PDS5A: variants seen among roughly 807,000 people sequenced by gnomAD.
The protein encoded by PDS5A is sister chromatid cohesion protein PDS5 homolog A.
A neutral mutation model predicts 167.1 loss-of-function variants in PDS5A; 42 were observed. That is an observed-to-expected ratio of 0.25 (90% confidence interval 0.20 to 0.33). The LOEUF (loss-of-function observed/expected upper bound fraction) is 0.33, where lower values mean the gene tolerates loss of function less well. Among genes scored for constraint, PDS5A ranks in the 10% least tolerant of loss-of-function variants. The pLI is 1.00. For synonymous variants in PDS5A, 553 were observed against 554.6 expected (o/e 1.00, Z 0.04); for missense variants, 1,033 against 1,605.9 (o/e 0.64, Z 6.10).
chr4:39,949,235 G>A (rs1359399623), intron 2 of PDS5A, among the ~76,000 whole-genome samples: 2 of 149,032 alleles, frequency 1.3e-5, no homozygotes, highest in Non-Finnish European at 3.0e-5. Context: ...GCGGGAGGTC[G>A]AGGCTTCAGT....
chr4:39,877,167 T>A lies in PDS5A; in HGVS notation c.1993-14A>T, dbSNP rs754728676. 3.3e-6 allele frequency: 5 copies of A among 1,517,096 alleles called. No homozygotes were observed. The South Asian group carries it at 6.4e-5, about 20-fold the overall frequency. 94.0% of individuals were successfully genotyped at this position (1,517,096 alleles called of 1,614,324 possible). Reference sequence around the variant, plus strand: ...AAAAGACAGAACCTGAAAAAACAGATACAGCTTTAGAAGTACAGACAATGG... The same window carrying A: ...AAAAGACAGAACCTGAAAAAACAGAAACAGCTTTAGAAGTACAGACAATGG... On this transcript the variant is annotated splice_polypyrimidine_tract_variant and intron_variant, in intron 18 of 32. Transcript: ENST00000303538.
chr4:39,830,973 C>A (rs559216429), intron 32 of PDS5A, among the ~76,000 whole-genome samples: 1 of 152,358 alleles, frequency 6.6e-6, no homozygotes, highest in South Asian at 2.1e-4. Context: ...CAATGGCTCA[C>A]GCCTATAATC....
chr4:39,952,506 TC>T (rs1230477428), intron 2 of PDS5A, among the ~76,000 whole-genome samples: 1 of 152,134 alleles, frequency 6.6e-6, no homozygotes, highest in Non-Finnish European at 1.5e-5. Context: ...CTTTTTTTTT[TC>T]TAATGATGGG....
rs768600347 is a variant in PDS5A at position 39,879,708 on chromosome 4, CAA to C, written c.1992+18_1992+19del. 2.0e-6 allele frequency: 3 copies of C among 1,485,688 alleles called. No individual in the cohort carries two copies. In the Admixed American group the frequency reaches 5.0e-5, roughly 25 times the overall value. The allele number at this position is 1,485,688 out of a possible 1,614,324, so 92.0% of individuals were successfully genotyped here. A position where few individuals can be genotyped will look rare whatever the true frequency, so the allele number is the denominator to read the frequency against. The stretch of plus-strand genomic sequence containing the variant: ...ATGACCCCACGGAAATACATGGCAA[CAA>C]AACTGTTTCAAAAATACCTTAAGAA... On this transcript the variant is annotated intron_variant, in intron 18 of 32. Transcript: ENST00000303538.
intron 29 of PDS5A, among the ~76,000 whole-genome samples, chr4:39,845,173 A>C (rs55736432): frequency 0.037 from 5,669 of 152,130 alleles, 328 homozygotes; most frequent in African/African-American, 0.13. Context: ...GCAACATTGT[A>C]CTCCAGCCTG....
intron 16 of PDS5A, among the ~76,000 whole-genome samples, chr4:39,896,954 A>G (rs191843307): frequency 4.0e-5 from 6 of 151,358 alleles, no homozygotes; most frequent in African/African-American, 1.5e-4. Context: ...CACAATGTGC[A>G]GGTTTGTTAC....
At chr4:39,903,926 TTTTA>T in intron 12 of PDS5A, 110 bp downstream of exon 12, 2 of 540,870 alleles carry the variant, frequency 3.7e-6, no homozygotes, top group East Asian at 3.3e-5. Flanking sequence ...ATAAACTTAA[TTTTA>T]TTTATGAAGT....
At chr4:39,936,744 T>G (rs1035119447) in intron 2 of PDS5A, 1 of 152,176 alleles carries the variant, frequency 6.6e-6, no homozygotes, top group Non-Finnish European at 1.5e-5. Flanking sequence ...CTGAAAGCAC[T>G]ATGTTTACTG....
chr4:39,935,271 T>G (rs1201368784), intron 2 of PDS5A, among the ~76,000 whole-genome samples: 3 of 152,192 alleles, frequency 2.0e-5, no homozygotes, highest in Admixed American at 6.5e-5. Context: ...CACACCCAGC[T>G]ACTTCCAGTA....
intron 19 of PDS5A, 150 bp downstream of exon 19, chr4:39,876,843 G>C (rs898007052): frequency 3.8e-6 from 2 of 520,560 alleles, no homozygotes; most frequent in Non-Finnish European, 6.7e-6. Context: ...GCAAGGGAAA[G>C]ACAAAGCAGA....
chr4:39,928,192 A>T, intron 2 of PDS5A, 28 bp from the exon 3 acceptor site: 1 of 1,433,754 alleles, frequency 7.0e-7, no homozygotes, highest in Non-Finnish European at 9.7e-7. Context: ...AACACAAAAT[A>T]ATTAACTCCT....
rs550857405 is a variant in PDS5A, at chr4:39,949,903, C to T, written c.139-21739G>A. 6.9e-4 allele frequency among the ~76,000 whole-genome samples: 104 copies of T among 150,554 alleles called. 1 individual carries two copies. In the South Asian group the frequency reaches 0.021, roughly 30 times the overall value. On this transcript the variant is annotated intron_variant, in intron 2 of 32. Transcript: ENST00000303538. ...CATTTGTGATGATACTAAAAACAAC[C>T]ATACATTTTATTTTATTTTTGAGAC...
chr4:39,897,167 G>C (rs1030706307), intron 16 of PDS5A, among the ~76,000 whole-genome samples: 1 of 152,048 alleles, frequency 6.6e-6, no homozygotes, highest in Non-Finnish European at 1.5e-5. Context: ...GCCGAGGTGG[G>C]TGGATCACCT....
At chr4:39,873,260 T>G (rs986552892) in intron 20 of PDS5A, 116 bp from the exon 21 acceptor site, 8 of 481,492 alleles carry the variant, frequency 1.7e-5, no homozygotes, top group Non-Finnish European at 2.8e-5. Context: ...ACCAATCTTC[T>G]CTAATACGAT....
At chr4:39,830,335 GA>G (rs1267139707) in intron 32 of PDS5A, among the ~76,000 whole-genome samples, 3 of 152,168 alleles carry the variant, frequency 2.0e-5, no homozygotes, top group Non-Finnish European at 4.4e-5. Context: ...GACCACAGGT[GA>G]ATACCACCAT....
At chr4:39,874,040 T>A (rs1354670545) in intron 20 of PDS5A, among the ~76,000 whole-genome samples, 1 of 152,124 alleles carries the variant, frequency 6.6e-6, no homozygotes, top group East Asian at 1.9e-4. Context: ...TGAAACTTTA[T>A]CTCAAAAACA....
chr4:39,930,262 G>GT (rs1194110821), intron 2 of PDS5A, among the ~76,000 whole-genome samples: 1,503 of 74,950 alleles, frequency 0.02, 63 homozygotes, highest in African/African-American at 0.058. Flanking sequence ...TTTGTTTTTT[G>GT]TTTTTTTTTT....
At chr4:39,932,090 A>C (rs1726126773) in intron 2 of PDS5A, among the ~76,000 whole-genome samples, 1 of 151,992 alleles carries the variant, frequency 6.6e-6, no homozygotes, top group African/African-American at 2.4e-5. Flanking sequence ...ACAGGATTTC[A>C]CCACGTTGGC....
rs571612007 is a variant in PDS5A at position 39,904,070 on chromosome 4, T to C, written c.1355A>G (p.His452Arg). 1.9e-6 allele frequency: 3 copies of C among 1,611,194 alleles called. No individual in the cohort carries two copies. Among genetic ancestry groups the C allele is most frequent in the East Asian group, 2.2e-5 (1 of 44,788 alleles). The change falls in exon 12 of 33, where the codon CAT becomes CGT. Residue 452 changes from histidine (H) to arginine (R), a missense_variant. His to Arg is a conservative substitution (Grantham distance 29, BLOSUM62 0). Around this residue, in one of 4 missense-constraint regions of PDS5A, gnomAD observed 388 missense variants for 615.1 expected, o/e 0.63. Transcript: ENST00000303538. ...KVSWIKDKLLHIYYQNSIDDK... is the reference protein window; with the variant it reads ...KVSWIKDKLLRIYYQNSIDDK... ...GTCAATGCTGTTCTGATAATAAATATGCAGAAGTTTGTCCTTTATCCAGCT... is the reference window on the plus strand; with the variant it reads ...GTCAATGCTGTTCTGATAATAAATACGCAGAAGTTTGTCCTTTATCCAGCT...
Sources: gnomAD v4.1 joint callset for allele counts (sites outside exome capture counted in the v4.1 genomes callset) on GRCh38, gnomAD v4.1.1 for gene constraint, gnomAD v4.1.1 regional missense constraint, MANE v1.5 for transcripts, NCBI Gene and HGNC (gene_info 2026-07-23, HGNC 2026-07-21) for gene names.